Variants in ZMYND11 observed in about 807,000 individuals in gnomAD.
ZMYND11 encodes zinc finger MYND domain-containing protein 11.
In ZMYND11, 9 loss-of-function variants were observed where a neutral mutation model predicts 84.9. That is an observed-to-expected ratio of 0.11 (90% CI 0.06 to 0.18). The LOEUF (loss-of-function observed/expected upper bound fraction) is 0.18. ZMYND11 is among the 10% of genes least tolerant of loss of function. The pLI, the probability that ZMYND11 is intolerant of heterozygous loss-of-function variation, is 1.00. For missense variants in ZMYND11, 409 were observed against 761.0 expected (o/e 0.54, Z 5.44); for synonymous variants, 250 against 244.1 (o/e 1.02, Z -0.23).
At chr10:251,815 C>G (rs1953547254) in intron 14 of ZMYND11, among the ~76,000 whole-genome samples, 1 of 152,082 alleles carries the variant, frequency 6.6e-6, no homozygotes, top group South Asian at 2.1e-4. Flanking sequence ...ACCTTCTGCC[C>G]TTAAGTTGTG....
At chr10:240,290 G>T (rs1950655537) in intron 8 of ZMYND11, among the ~76,000 whole-genome samples, 179 bp downstream of exon 8, 1 of 152,140 alleles carries the variant, frequency 6.6e-6, no homozygotes, top group Non-Finnish European at 1.5e-5. Context: ...CGGATCACGA[G>T]ATCAAGAGAT....
chr10:242,582 C>CCATAATAGGAATA (rs1386757896), intron 10 of ZMYND11, among the ~76,000 whole-genome samples: 4 of 152,086 alleles, frequency 2.6e-5, no homozygotes, highest in African/African-American at 7.2e-5. Flanking sequence ...TGGAAATAAG[C>CCATAATAGGAATA]CATAATAGGA....
At chr10:169,124 A>G (rs561809694) in intron 1 of ZMYND11, among the ~76,000 whole-genome samples, 28 of 152,234 alleles carry the variant, frequency 1.8e-4, no homozygotes, top group African/African-American at 6.7e-4. Context: ...ACCTGGGGGA[A>G]GGGAAATACC....
chr10:238,166 TGTTA>T lies in ZMYND11; in HGVS notation c.609+493_609+496del, dbSNP rs371334818. 2.6e-5 allele frequency among the ~76,000 whole-genome samples: 4 copies of T among 152,336 alleles called. No individual in the cohort carries two copies. In the East Asian group the frequency reaches 7.7e-4, roughly 29 times the overall value. On this transcript the variant is annotated intron_variant, in intron 6 of 14. Coordinates refer to ENST00000381604, the MANE Select transcript of ZMYND11 (RefSeq NM_001370100.5). Reference sequence around the variant, plus strand: ...AATTTTACCAACTATAGCTGAGGATTGTTAGTTTGTTCACGTCCAGTAACAAATT... The same window carrying T: ...AATTTTACCAACTATAGCTGAGGATTGTTTGTTCACGTCCAGTAACAAATT...
At chr10:210,158 A>G (rs1944937512) in intron 3 of ZMYND11, 110 bp downstream of exon 3, 3 of 1,234,298 alleles carry the variant, frequency 2.4e-6, no homozygotes, top group African/African-American at 1.5e-5. Context: ...TTTCATTTTA[A>G]CATTTGTATC....
intron 1 of ZMYND11, among the ~76,000 whole-genome samples, chr10:156,447 A>G (rs1337417284): frequency 6.6e-6 from 1 of 152,264 alleles, no homozygotes; most frequent in African/African-American, 2.4e-5. Flanking sequence ...TTTTTAAATT[A>G]GGATAAATCA....
chr10:203,200 C>T (rs1943542642), intron 2 of ZMYND11, among the ~76,000 whole-genome samples: 1 of 152,116 alleles, frequency 6.6e-6, no homozygotes, highest in Non-Finnish European at 1.5e-5. Flanking sequence ...ATGGTGTGCA[C>T]TTTACTAGAA....
intron 1 of ZMYND11, among the ~76,000 whole-genome samples, chr10:178,943 T>C (rs1447243682): frequency 6.6e-6 from 1 of 152,176 alleles, no homozygotes; most frequent in African/African-American, 2.4e-5. Context: ...GTGGCTGTCT[T>C]GGCCAGTCAT....
intron 1 of ZMYND11, among the ~76,000 whole-genome samples, chr10:152,903 G>T (rs1275413888): frequency 1.3e-5 from 2 of 152,190 alleles, no homozygotes; most frequent in African/African-American, 4.8e-5. Context: ...TCAGGATTAA[G>T]AACTCACTCA....
In ZMYND11 at chr10:248,884, G is replaced by A. The variant is rs1333406902; in HGVS notation, c.1501-19G>A. 6.3e-7 allele frequency: 1 copy of A among 1,594,142 alleles called. No homozygotes were observed. Among genetic ancestry groups the A allele is most frequent in the African/African-American group, 1.3e-5 (1 of 74,522 alleles). ...TTAAGTTGTGTGCTGACGCACTGTGGGTTGTCTTTTCATTCCAGCTGCGTT... is the reference window on the plus strand; with the variant it reads ...TTAAGTTGTGTGCTGACGCACTGTGAGTTGTCTTTTCATTCCAGCTGCGTT... On this transcript the variant is annotated intron_variant, in intron 13 of 14. Transcript: ENST00000381604.
At chr10:185,277 G>A (rs1192908491) in intron 2 of ZMYND11, among the ~76,000 whole-genome samples, 1 of 151,922 alleles carries the variant, frequency 6.6e-6, no homozygotes, top group African/African-American at 2.4e-5. Flanking sequence ...ATACCAATCA[G>A]GATTGTAGCT....
At chr10:190,140 C>T (rs932619099) in intron 2 of ZMYND11, among the ~76,000 whole-genome samples, 2 of 151,882 alleles carry the variant, frequency 1.3e-5, no homozygotes, top group East Asian at 3.9e-4. Flanking sequence ...TTTTTTCCAC[C>T]GCAGCTGGAT....
In ZMYND11 at chr10:246,689, G is replaced by A. The variant is rs1589274043; in HGVS notation, c.951-77G>A. The stretch of plus-strand genomic sequence containing the variant: ...CAGGTCGCACTTTATGGCAGGCAGG[G>A]TCCACTGAAGCCCTCTTTTACCACC... On this transcript the variant is annotated intron_variant, in intron 10 of 14. Transcript: ENST00000381604. 5.0e-6 allele frequency: 7 copies of A among 1,387,068 alleles called. No homozygotes were observed. In the East Asian group the frequency reaches 1.4e-4, roughly 29 times the overall value. The allele number at this position is 1,387,068 out of a possible 1,614,324, so 85.9% of individuals were successfully genotyped here. A position where few individuals can be genotyped will look rare whatever the true frequency, so the allele number is the denominator to read the frequency against.
chr10:206,532 A>G (rs1008794726), intron 2 of ZMYND11, among the ~76,000 whole-genome samples: 3 of 152,136 alleles, frequency 2.0e-5, no homozygotes, highest in Admixed American at 2.0e-4. Flanking sequence ...CATTATAACT[A>G]TGCTCTGTCT....
At chr10:215,080 T>A (rs1945936731) in intron 3 of ZMYND11, among the ~76,000 whole-genome samples, 1 of 152,216 alleles carries the variant, frequency 6.6e-6, no homozygotes, top group Non-Finnish European at 1.5e-5. Context: ...GTTAATTTGG[T>A]GACTTCCAAC....
chr10:132,915 A>G (rs532429585), upstream of ZMYND11, among the ~76,000 whole-genome samples: 69 of 152,338 alleles, frequency 4.5e-4, no homozygotes, highest in African/African-American at 1.6e-3. Context: ...AGGAGAATCA[A>G]GAAGTAAAAA....
At chr10:168,868 C>T (rs1396362122) in intron 1 of ZMYND11, among the ~76,000 whole-genome samples, 3 of 152,050 alleles carry the variant, frequency 2.0e-5, no homozygotes, top group African/African-American at 4.8e-5. Context: ...ATTGATGAAT[C>T]GCTAGATGCC....
intron 12 of ZMYND11, 104 bp from the exon 13 acceptor site, chr10:248,232 T>TGGCTA (rs1222262137): frequency 3.5e-6 from 5 of 1,412,960 alleles, no homozygotes. Context: ...GTTTATTCTA[T>TGGCTA]GGCTATTATG....
rs150625727 is a variant in ZMYND11, at chr10:246,823, C to T, written c.1008C>T (p.His336=). The T allele has an allele frequency of 3.4e-4, 549 of 1,614,088 alleles. 1 individual carries two copies. The highest frequency in any genetic ancestry group is 3.3e-3 in the Middle Eastern group (20 of 6,062). Residue 336 remains histidine (H), a synonymous_variant, in exon 11 of 15, where the codon CAC becomes CAT. Coordinates refer to ENST00000381604, the MANE Select transcript of ZMYND11 (RefSeq NM_001370100.5). ...QDITVNIHRL[H]VKRSMGWKKA... is the part of the protein sequence containing the mutation. ...TCACAGTCAACATTCATCGGCTGCACGTGAAGCGCAGTATGGGTTGGAAAA... is the reference window on the plus strand; with the variant it reads ...TCACAGTCAACATTCATCGGCTGCATGTGAAGCGCAGTATGGGTTGGAAAA...
Sources: allele counts gnomAD v4.1 joint callset (sites outside exome capture counted in the v4.1 genomes callset), GRCh38; gene constraint gnomAD v4.1.1; transcripts MANE v1.5; gene names NCBI Gene and HGNC (gene_info 2026-07-23, HGNC 2026-07-21).